Variants in PPP1R13B observed in about 807,000 individuals in gnomAD.
PPP1R13B encodes protein phosphatase 1 regulatory subunit 13B, also known as apoptosis-stimulating of p53 protein 1.
PPP1R13B carries 44 observed loss-of-function variants against 119.8 expected under a neutral mutation model. The observed-to-expected ratio is 0.37, with a 90% CI of 0.29 to 0.47. The LOEUF (loss-of-function observed/expected upper bound fraction) is 0.47, where lower values mean the gene tolerates loss of function less well. Ranked by LOEUF, PPP1R13B falls within the 20% of genes least tolerant of loss-of-function variation. The pLI is 0.99. For missense variants in PPP1R13B, 1,227 were observed against 1,413.5 expected, an observed-to-expected ratio of 0.87 and a Z score of 2.12; for synonymous variants, 542 against 561.5, an observed-to-expected ratio of 0.97 and a Z score of 0.49.
At chr14:103,830,405 TTC>T (rs927567965) in intron 1 of PPP1R13B, among the ~76,000 whole-genome samples, 6 of 152,124 alleles carry the variant, frequency 3.9e-5, no homozygotes, top group African/African-American at 1.4e-4. Flanking sequence ...CTCTTTTAGG[TTC>T]TTTTTATGTA....
At chr14:103,846,698 CAA>C (rs2152093210) in intron 1 of PPP1R13B, 1 of 455,688 alleles carries the variant, frequency 2.2e-6, no homozygotes, top group South Asian at 1.6e-5. Flanking sequence ...AAGGGCAGGA[CAA>C]AGACACCACC....
At chr14:103,809,851 G>C (rs1023141898) in intron 1 of PPP1R13B, among the ~76,000 whole-genome samples, 2 of 151,322 alleles carry the variant, frequency 1.3e-5, no homozygotes, top group African/African-American at 2.4e-5. Context: ...TTTTGAGACA[G>C]AGTCTCGCTC....
At chr14:103,759,465 G>C (rs897578751) in intron 4 of PPP1R13B, among the ~76,000 whole-genome samples, 1 of 151,580 alleles carries the variant, frequency 6.6e-6, no homozygotes, top group African/African-American at 2.4e-5. Context: ...CACCATGCCT[G>C]GCTGATTTTT....
At chr14:103,797,304 A>G in intron 2 of PPP1R13B, 67 bp downstream of exon 2, 1 of 1,457,902 alleles carries the variant, frequency 6.9e-7, no homozygotes, top group South Asian at 1.5e-5. Flanking sequence ...AATCCAGCAC[A>G]AGCTTAGCTA....
intron 4 of PPP1R13B, among the ~76,000 whole-genome samples, chr14:103,775,400 G>C (rs2085163838): frequency 6.6e-6 from 1 of 151,934 alleles, no homozygotes; most frequent in South Asian, 2.1e-4. Flanking sequence ...TCAGCCTCCA[G>C]AACAGCTGGG....
chr14:103,754,372 C>G (rs1335213627), intron 5 of PPP1R13B, 128 bp from the exon 6 acceptor site: 2 of 792,448 alleles, frequency 2.5e-6, no homozygotes, highest in African/African-American at 3.5e-5. Context: ...CGAGACCAGC[C>G]TGGCCAACAT....
Position 103,741,776 on chromosome 14 carries a change from T to A in PPP1R13B, c.1822+14A>T. 6.2e-7 allele frequency: 1 copy of A among 1,610,064 alleles called. No individual in the cohort carries two copies. Among genetic ancestry groups the A allele is most frequent in the Non-Finnish European group, 8.5e-7 (1 of 1,177,190 alleles). The stretch of plus-strand genomic sequence containing the variant: ...TCCTAGCCCCAAGAAAAGGAGAGTA[T>A]AAACCCACTCTACCTGCTTTAACTG... On this transcript the variant is annotated intron_variant, in intron 11 of 16. Coordinates refer to ENST00000202556, the MANE Select transcript of PPP1R13B (RefSeq NM_015316.3).
intron 1 of PPP1R13B, among the ~76,000 whole-genome samples, chr14:103,835,208 C>G (rs1322265955): frequency 1.3e-5 from 2 of 152,146 alleles, no homozygotes; most frequent in Non-Finnish European, 2.9e-5. Context: ...CTGCAACCTC[C>G]ACCTCCCAGG....
At chr14:103,772,779 T>C (rs965309712) in intron 4 of PPP1R13B, among the ~76,000 whole-genome samples, 2 of 151,996 alleles carry the variant, frequency 1.3e-5, no homozygotes, top group African/African-American at 4.8e-5. Flanking sequence ...TTCAAGTGAT[T>C]CTCCTGCCTC....
At chr14:103,767,414 T>G (rs2084962395) in intron 4 of PPP1R13B, among the ~76,000 whole-genome samples, 1 of 152,020 alleles carries the variant, frequency 6.6e-6, no homozygotes, top group Non-Finnish European at 1.5e-5. Context: ...GAAACTGTAT[T>G]TTCAAATACT....
Position 103,803,574 on chromosome 14 carries a change from T to C in PPP1R13B, c.10-6056A>G, listed in dbSNP as rs187119041. On this transcript the variant is annotated intron_variant, in intron 1 of 16. Coordinates refer to ENST00000202556, the MANE Select transcript of PPP1R13B (RefSeq NM_015316.3). The stretch of plus-strand genomic sequence containing the variant: ...AGGAGAATGCTGTGAACCCGGGAGG[T>C]GGAGCTTGCAGGGAGCCGAGATAGC... Among the ~76,000 whole-genome samples the C allele has an allele frequency of 4.4e-3, 674 of 151,942 alleles. 4 individuals are homozygous for C. The highest frequency in any genetic ancestry group is 0.014 in the Middle Eastern group (4 of 294).
intron 9 of PPP1R13B, chr14:103,744,098 G>A (rs1041155234): frequency 1.3e-5 from 2 of 152,194 alleles, no homozygotes; most frequent in African/African-American, 4.8e-5. Flanking sequence ...CCAAGGACAG[G>A]GCCTGTGGTC....
intron 1 of PPP1R13B, among the ~76,000 whole-genome samples, chr14:103,837,709 C>CTGTT (rs1390195236): frequency 6.6e-6 from 1 of 152,154 alleles, no homozygotes; most frequent in Non-Finnish European, 1.5e-5. Context: ...ACTACTCTTC[C>CTGTT]TGTTTATTTT....
chr14:103,766,482 A>G (rs1326848961), intron 4 of PPP1R13B, among the ~76,000 whole-genome samples: 2 of 152,162 alleles, frequency 1.3e-5, no homozygotes, highest in Non-Finnish European at 2.9e-5. Flanking sequence ...TGATGCCCTC[A>G]CCACCTGGCT....
At chr14:103,767,888 C>A (rs190591211) in intron 4 of PPP1R13B, among the ~76,000 whole-genome samples, 1 of 152,244 alleles carries the variant, frequency 6.6e-6, no homozygotes, top group East Asian at 1.9e-4. Flanking sequence ...TATTTTGGTG[C>A]CTTATTCCAC....
intron 1 of PPP1R13B, among the ~76,000 whole-genome samples, chr14:103,815,321 C>A (rs145465799): frequency 6.8e-4 from 104 of 152,210 alleles, no homozygotes; most frequent in African/African-American, 2.4e-3. Flanking sequence ...TACAAGATTT[C>A]TTTTTGGGAT....
intron 1 of PPP1R13B, among the ~76,000 whole-genome samples, chr14:103,808,078 T>C (rs2086060348): frequency 6.6e-6 from 1 of 151,346 alleles, no homozygotes; most frequent in Non-Finnish European, 1.5e-5. Context: ...CCATCTCTAC[T>C]AAAAATACAA....
At chr14:103,830,509 A>C (rs1426804955) in intron 1 of PPP1R13B, among the ~76,000 whole-genome samples, 1 of 152,226 alleles carries the variant, frequency 6.6e-6, no homozygotes, top group African/African-American at 2.4e-5. Flanking sequence ...AGAGAAATTA[A>C]GTAACTCACC....
At chr14:103,764,052 G>T (rs1318275970) in intron 4 of PPP1R13B, 1 of 152,282 alleles carries the variant, frequency 6.6e-6, no homozygotes, top group Non-Finnish European at 1.5e-5. Context: ...TTCTTAGCTG[G>T]TATGAGTAAC....
Sources: gnomAD v4.1 joint callset for allele counts (sites outside exome capture counted in the v4.1 genomes callset) on GRCh38, gnomAD v4.1.1 for gene constraint, MANE v1.5 for transcripts, NCBI Gene and HGNC (gene_info 2026-07-23, HGNC 2026-07-21) for gene names.